The following HS6ST3 variants were observed in gnomAD, a reference collection of about 807,000 sequenced individuals.
HS6ST3 encodes the protein heparan sulfate 6-O-sulfotransferase 3.
In HS6ST3, 12 loss-of-function variants were observed where a neutral mutation model predicts 36.7. The ratio of observed to expected loss-of-function variants is 0.33; its 90% CI spans 0.21 to 0.53. HS6ST3 has a LOEUF of 0.53. Ranked by LOEUF, HS6ST3 falls within the 20% of genes least tolerant of loss-of-function variation. The probability of loss-of-function intolerance (pLI) is 0.95; values close to 1 mark genes in which losing one functional copy is unlikely to be tolerated. For synonymous variants in HS6ST3, 240 were observed against 257.5 expected (o/e 0.93, Z 0.65); for missense variants, 584 against 640.9 (o/e 0.91, Z 0.96).
Position 96,468,477 on chromosome 13 carries a change from TACACACACACACACACACAC to T in HS6ST3, c.708-363994_708-363975del, listed in dbSNP as rs3051066. Among the ~76,000 whole-genome samples, 6 of 126,386 alleles carry T rather than the reference TACACACACACACACACACAC, an allele frequency of 4.7e-5. No individual in the cohort carries two copies. The South Asian group carries it at 1.2e-3, about 26-fold the overall frequency. The allele number at this position is 126,386 out of a possible 152,430, so 82.9% of individuals were successfully genotyped here. On this transcript the variant is annotated intron_variant, in intron 1 of 1. Coordinates refer to ENST00000376705, the MANE Select transcript of HS6ST3 (RefSeq NM_153456.4). ...TAACATTTAACAGGACATACACACA[TACACACACACACACACACAC>T]ACACACACACACACACACTCCATAA...
chr13:96,821,256 T>G (rs988320183), intron 1 of HS6ST3, among the ~76,000 whole-genome samples: 15 of 152,204 alleles, frequency 9.9e-5, no homozygotes, highest in Admixed American at 4.6e-4. Context: ...ATCCCTGGCC[T>G]TGCAAGATGC....
At chr13:96,707,214 T>C (rs1006071220) in intron 1 of HS6ST3, among the ~76,000 whole-genome samples, 5 of 152,110 alleles carry the variant, frequency 3.3e-5, no homozygotes, top group Admixed American at 1.3e-4. Context: ...ATTAGTGGGA[T>C]AAATGCCCTT....
intron 1 of HS6ST3, among the ~76,000 whole-genome samples, chr13:96,102,413 G>C (rs658705): frequency 0.84 from 127,033 of 152,086 alleles, 53,304 homozygotes; most frequent in East Asian, 0.91. Context: ...ACCCAGGAGG[G>C]GGAGGTTGCA....
At chr13:96,718,707 A>T (rs546471417) in intron 1 of HS6ST3, among the ~76,000 whole-genome samples, 3 of 152,358 alleles carry the variant, frequency 2.0e-5, no homozygotes, top group Admixed American at 1.3e-4. Context: ...CTCCCAAAAA[A>T]TACTACTGGG....
At chr13:96,706,440 T>TATATATATATATATATATAA (rs1491180585) in intron 1 of HS6ST3, among the ~76,000 whole-genome samples, 5 of 137,602 alleles carry the variant, frequency 3.6e-5, no homozygotes, top group African/African-American at 8.5e-5. Context: ...TATATATATA[T>TATATATATATATATATATAA]AATCAGGGAA....
rs2056055289 is a variant in HS6ST3 at position 96,512,711 on chromosome 13, A to G, written c.708-319779A>G. ...TTCATTGTTGTAGAAAAATGTCACT[A>G]TTCTTATAAGTTTATTTTGTACCTG... On this transcript the variant is annotated intron_variant, in intron 1 of 1. Transcript: ENST00000376705. Among the ~76,000 whole-genome samples the G allele has an allele frequency of 2.0e-5, 3 of 152,168 alleles. No homozygotes were observed. In the South Asian group the frequency reaches 6.2e-4, roughly 32 times the overall value.
intron 1 of HS6ST3, among the ~76,000 whole-genome samples, chr13:96,134,668 T>C (rs992413483): frequency 6.6e-6 from 1 of 152,202 alleles, no homozygotes; most frequent in Non-Finnish European, 1.5e-5. Context: ...AAGCATTTTG[T>C]TGGTGATGAA....
intron 1 of HS6ST3, among the ~76,000 whole-genome samples, chr13:96,532,295 C>T (rs897469404): frequency 6.6e-5 from 10 of 152,194 alleles, no homozygotes; most frequent in African/African-American, 2.4e-4. Context: ...TGCAACTGTA[C>T]TTTGATATAC....
chr13:96,130,878 A>T (rs940383482), intron 1 of HS6ST3, among the ~76,000 whole-genome samples: 1 of 151,866 alleles, frequency 6.6e-6, no homozygotes, highest in African/African-American at 2.4e-5. Flanking sequence ...TTCTTCTCTG[A>T]TGGCTCATTC....
intron 1 of HS6ST3, among the ~76,000 whole-genome samples, chr13:96,761,949 CATGAA>C (rs966562283): frequency 6.6e-6 from 1 of 151,940 alleles, no homozygotes; most frequent in African/African-American, 2.4e-5. Context: ...ATTGTTTAAA[CATGAA>C]ATGAATGAGT....
chr13:96,423,293 A>T lies in HS6ST3; in HGVS notation c.707+331724A>T, dbSNP rs141809642. Among the ~76,000 whole-genome samples, 153 of 152,266 alleles carry T rather than the reference A, an allele frequency of 1.0e-3. 3 individuals carry two copies. The highest frequency in any genetic ancestry group is 3.6e-3 in the African/African-American group (150 of 41,548). On this transcript the variant is annotated intron_variant, in intron 1 of 1. Transcript: ENST00000376705. ...TTCCAAACATATTTAGAGAATTCCC[A>T]TGATGTGCCTAGGACTGTTCTGGGT...
intron 1 of HS6ST3, among the ~76,000 whole-genome samples, chr13:96,570,451 G>T (rs1303474870): frequency 6.6e-6 from 1 of 152,202 alleles, no homozygotes; most frequent in African/African-American, 2.4e-5. Flanking sequence ...ATCTCAGGGT[G>T]TTGCACATTA....
At chr13:96,526,077 G>A (rs1339651305) in intron 1 of HS6ST3, among the ~76,000 whole-genome samples, 3 of 151,852 alleles carry the variant, frequency 2.0e-5, no homozygotes, top group African/African-American at 7.3e-5. Context: ...GAAAAGAGAA[G>A]ACATATAGTC....
rs1008854839 is a variant in HS6ST3, at chr13:96,354,631, G to A, written c.707+263062G>A. ...TAATGTTACTGCTTATTAGGTGGAA[G>A]TAACAAATAATAATGTACATGTTAC... On this transcript the variant is annotated intron_variant, in intron 1 of 1. Coordinates refer to ENST00000376705, the MANE Select transcript of HS6ST3 (RefSeq NM_153456.4). Among the ~76,000 whole-genome samples the A allele has an allele frequency of 1.3e-5, 2 of 152,110 alleles. 1 individual carries two copies. The highest frequency in any genetic ancestry group is 4.1e-4 in the South Asian group (2 of 4,834).
intron 1 of HS6ST3, among the ~76,000 whole-genome samples, chr13:96,371,579 T>A (rs7995352): frequency 0.4 from 60,985 of 151,520 alleles, 12,758 homozygotes; most frequent in African/African-American, 0.52. Context: ...TACTCACCTT[T>A]TAGCTGCAAG....
At chr13:96,488,201 C>A (rs919737338) in intron 1 of HS6ST3, among the ~76,000 whole-genome samples, 1 of 152,090 alleles carries the variant, frequency 6.6e-6, no homozygotes, top group African/African-American at 2.4e-5. Context: ...GGCTTCTTCT[C>A]TCCTGTATAA....
chr13:96,519,149 A>G (rs1015723763), intron 1 of HS6ST3, among the ~76,000 whole-genome samples: 7 of 152,166 alleles, frequency 4.6e-5, no homozygotes, highest in Admixed American at 3.3e-4. Context: ...ATGTGTTCTT[A>G]GGGACAGGGC....
chr13:96,474,232 CA>C (rs1031313470), intron 1 of HS6ST3, among the ~76,000 whole-genome samples: 1 of 152,070 alleles, frequency 6.6e-6, no homozygotes, highest in Non-Finnish European at 1.5e-5. Flanking sequence ...CTGAGAGTGA[CA>C]GTTTCTTTAA....
chr13:96,144,044 G>C (rs2054044511), intron 1 of HS6ST3, among the ~76,000 whole-genome samples: 1 of 152,182 alleles, frequency 6.6e-6, no homozygotes, highest in South Asian at 2.1e-4. Flanking sequence ...ATGATACAGT[G>C]AAAAGCTTTG....
Sources: allele counts gnomAD v4.1 joint callset (sites outside exome capture counted in the v4.1 genomes callset), GRCh38; gene constraint gnomAD v4.1.1; transcripts MANE v1.5; gene names NCBI Gene and HGNC (gene_info 2026-07-23, HGNC 2026-07-21).